Variants in MERTK observed in about 807,000 individuals in gnomAD.
MERTK encodes the protein MER proto-oncogene, tyrosine kinase, also known as tyrosine-protein kinase Mer.
In MERTK, 69 loss-of-function variants were observed where a neutral mutation model predicts 99.3. The observed-to-expected ratio is 0.70, with a 90% CI of 0.57 to 0.85. The LOEUF is 0.85. Among genes scored for constraint, MERTK ranks in the 40% least tolerant of loss-of-function variants. The pLI, the probability that MERTK is intolerant of heterozygous loss-of-function variation, is 0.00. For missense variants in MERTK, 1,125 were observed against 1,249.4 expected, an observed-to-expected ratio of 0.90 and a Z score of 1.50; for synonymous variants, 426 against 467.6, an observed-to-expected ratio of 0.91 and a Z score of 1.15.
chr2:112,022,511 C>T (rs763547659), intron 18 of MERTK, 117 bp downstream of exon 18: 1 of 1,496,146 alleles, frequency 6.7e-7, no homozygotes, highest in Non-Finnish European at 9.3e-7. Flanking sequence ...GCCAGGTGGG[C>T]ATGTGCAGAG....
intron 18 of MERTK, among the ~76,000 whole-genome samples, chr2:112,025,378 G>A (rs148610495): frequency 6.6e-6 from 1 of 152,234 alleles, no homozygotes; most frequent in East Asian, 1.9e-4. Flanking sequence ...GCCTAGCATT[G>A]CCCTCACACT....
At chr2:112,009,150 T>C (rs1377548412) in intron 14 of MERTK, among the ~76,000 whole-genome samples, 1 of 152,242 alleles carries the variant, frequency 6.6e-6, no homozygotes, top group African/African-American at 2.4e-5. Flanking sequence ...ACTGCATACA[T>C]GCTAAGTTCT....
chr2:111,916,069 A>G (rs920378320), intron 1 of MERTK, among the ~76,000 whole-genome samples: 2 of 151,016 alleles, frequency 1.3e-5, no homozygotes, highest in African/African-American at 4.8e-5. Context: ...AAGAATGTGT[A>G]TTCTATTGTT....
chr2:112,019,337 C>A (rs1677283654), intron 15 of MERTK, 76 bp from the exon 16 acceptor site: 5 of 952,446 alleles, frequency 5.2e-6, no homozygotes, highest in Non-Finnish European at 8.2e-6. Context: ...AGCATCCTTT[C>A]CCCCCCCGGC....
rs563784455 is a variant in MERTK, at chr2:111,966,873, G to A, written c.845-1264G>A. ...CCCAGGGCACGCTTGATATGGTCTTGACACACCTTCCTCCTTCTCTCCTGC... is the reference window on the plus strand; with the variant it reads ...CCCAGGGCACGCTTGATATGGTCTTAACACACCTTCCTCCTTCTCTCCTGC... On this transcript the variant is annotated intron_variant, in intron 5 of 18. Transcript: ENST00000295408. Among the ~76,000 whole-genome samples the A allele has an allele frequency of 5.4e-4, 82 of 152,228 alleles. 2 individuals are homozygous for A. The highest frequency in any genetic ancestry group is 1.9e-3 in the African/African-American group (79 of 41,518).
intron 15 of MERTK, among the ~76,000 whole-genome samples, chr2:112,012,227 TCCCCCCG>T: frequency 6.9e-6 from 1 of 144,456 alleles, no homozygotes; most frequent in African/African-American, 2.6e-5. Context: ...TGCATTCCCT[TCCCCCCG>T]CCCCCCACAT....
intron 4 of MERTK, among the ~76,000 whole-genome samples, chr2:111,950,621 G>T (rs1685037566): frequency 6.6e-6 from 1 of 152,110 alleles, no homozygotes; most frequent in Non-Finnish European, 1.5e-5. Flanking sequence ...GTAGATTATT[G>T]TGGTTTTAGT....
chr2:112,011,249 A>G (rs1476457746), intron 15 of MERTK, among the ~76,000 whole-genome samples: 1 of 152,154 alleles, frequency 6.6e-6, no homozygotes, highest in Non-Finnish European at 1.5e-5. Flanking sequence ...CAAGGAAATT[A>G]GTTCTTAGGG....
chr2:111,964,204 A>G (rs1417719928), intron 4 of MERTK, among the ~76,000 whole-genome samples: 3 of 151,922 alleles, frequency 2.0e-5, no homozygotes, highest in African/African-American at 7.3e-5. Context: ...TCTCCAATTT[A>G]TCTAATTATT....
chr2:111,944,136 T>C (rs973020195), intron 2 of MERTK, among the ~76,000 whole-genome samples: 3 of 151,812 alleles, frequency 2.0e-5, no homozygotes, highest in African/African-American at 7.3e-5. Context: ...CTGTCTCTAC[T>C]AAAAAATGCA....
chr2:112,025,099 C>G (rs1677438152), intron 18 of MERTK, among the ~76,000 whole-genome samples: 1 of 152,210 alleles, frequency 6.6e-6, no homozygotes, highest in African/African-American at 2.4e-5. Flanking sequence ...GGCACTGCCG[C>G]CGACTGTTGG....
At chr2:112,016,461 G>A (rs1677217777) in intron 15 of MERTK, among the ~76,000 whole-genome samples, 1 of 152,166 alleles carries the variant, frequency 6.6e-6, no homozygotes, top group South Asian at 2.1e-4. Context: ...TTTCTTTGCT[G>A]CCTGGAATAA....
rs1276797688 is a variant in MERTK at position 112,028,627 on chromosome 2, C to T, written c.2763C>T (p.Asp921=). The change falls in exon 19 of 19, where the codon GAC becomes GAT. Residue 921 remains aspartate, a synonymous_variant. Transcript: ENST00000295408. ...AISVVTAEVH[D]SKPHEGRYIL... is the part of the protein sequence containing the mutation. ...GTGTGGTCACAGCAGAAGTTCATGA[C>T]AGCAAACCTCATGAAGGACGGTACA... is the stretch of plus-strand genomic sequence containing the variant. 6.2e-7 allele frequency: 1 copy of T among 1,614,106 alleles called. No homozygotes were observed. Among genetic ancestry groups the T allele is most frequent in the Non-Finnish European group, 8.5e-7 (1 of 1,180,048 alleles).
chr2:112,001,693 G>A (rs1676873135), intron 11 of MERTK, among the ~76,000 whole-genome samples: 1 of 152,204 alleles, frequency 6.6e-6, no homozygotes. Flanking sequence ...ATTATGGTTT[G>A]AGCTTTGCTG....
intron 1 of MERTK, among the ~76,000 whole-genome samples, chr2:111,913,350 T>C (rs1607060): frequency 0.46 from 70,436 of 151,950 alleles, 16,490 homozygotes; most frequent in East Asian, 0.74. Flanking sequence ...GAGTTCTGTA[T>C]GTGCTTTGTT....
At chr2:111,902,826 A>G (rs987237217) in intron 1 of MERTK, among the ~76,000 whole-genome samples, 2 of 114,116 alleles carry the variant, frequency 1.8e-5, no homozygotes, top group African/African-American at 6.1e-5. Context: ...TTATTGACAG[A>G]GTCTTGCAAT....
Position 111,898,797 on chromosome 2 carries a change from G to A in MERTK, c.61+1G>A, listed in dbSNP as rs1573554264. 6.3e-7 allele frequency: 1 copy of A among 1,591,418 alleles called. No individual in the cohort carries two copies. The highest frequency in any genetic ancestry group is 8.5e-7 in the Non-Finnish European group (1 of 1,169,698). ...TTCCTCCCCGCGCTCTGGCGTAGAG[G>A]TGAGTGCGCCCGGCTGGGGGCCAGG... On this transcript the variant is annotated splice_donor_variant, in intron 1 of 18. Coordinates refer to ENST00000295408, the MANE Select transcript of MERTK (RefSeq NM_006343.3). LOFTEE classifies it high-confidence loss of function.
chr2:111,930,733 C>T (rs1443532621), intron 2 of MERTK, among the ~76,000 whole-genome samples: 1 of 152,128 alleles, frequency 6.6e-6, no homozygotes, highest in Non-Finnish European at 1.5e-5. Flanking sequence ...TAAGCCAGGA[C>T]TTATATCTGG....
At chr2:111,944,512 A>C (rs1684924186) in intron 2 of MERTK, among the ~76,000 whole-genome samples, 7 of 152,302 alleles carry the variant, frequency 4.6e-5, no homozygotes, top group Non-Finnish European at 5.9e-5. Flanking sequence ...CCTTAAAATA[A>C]TTCCTCTGTT....
Sources: gnomAD v4.1 joint callset for allele counts (sites outside exome capture counted in the v4.1 genomes callset) on GRCh38, gnomAD v4.1.1 for gene constraint, MANE v1.5 for transcripts, NCBI Gene and HGNC (gene_info 2026-07-23, HGNC 2026-07-21) for gene names.